The following HERC2 variants were observed in gnomAD, a reference collection of about 807,000 sequenced individuals.
HERC2 encodes the protein E3 ubiquitin-protein ligase HERC2.
Under a neutral mutation model 537.7 loss-of-function variants are expected in HERC2, and 102 were observed. That is an observed-to-expected ratio of 0.19 (90% CI 0.16 to 0.22). The LOEUF is 0.22. Ranked by LOEUF, HERC2 falls within the 10% of genes least tolerant of loss-of-function variation. The probability of loss-of-function intolerance (pLI) is 1.00; values close to 1 mark genes in which losing one functional copy is unlikely to be tolerated. For missense variants in HERC2, 4,236 were observed against 6,198.2 expected, an observed-to-expected ratio of 0.68 and a Z score of 10.63; for synonymous variants, 2,224 against 2,466.2, an observed-to-expected ratio of 0.90 and a Z score of 2.91.
chr15:28,300,066 AAAGAAAAGAAAAG>A (rs2076579825), intron 2 of HERC2, among the ~76,000 whole-genome samples: 2 of 150,468 alleles, frequency 1.3e-5, no homozygotes, highest in South Asian at 2.1e-4. Context: ...AAAAAAAAAA[AAAGAAAAGAAAAG>A]AAAAAAAAGA....
intron 20 of HERC2, among the ~76,000 whole-genome samples, chr15:28,254,035 A>G (rs2075173022): frequency 6.6e-6 from 1 of 151,940 alleles, no homozygotes; most frequent in Non-Finnish European, 1.5e-5. Context: ...TGTAATCCCA[A>G]CACTTTGGGA....
At chr15:28,282,786 G>A (rs1016296488) in intron 4 of HERC2, among the ~76,000 whole-genome samples, 36 of 152,168 alleles carry the variant, frequency 2.4e-4, no homozygotes, top group African/African-American at 8.4e-4. Flanking sequence ...ACAAAACTGA[G>A]CTGGGCATGG....
At chr15:28,288,346 C>T (rs1333148203) in intron 4 of HERC2, among the ~76,000 whole-genome samples, 24 of 150,582 alleles carry the variant, frequency 1.6e-4, no homozygotes, top group Middle Eastern at 3.4e-3. Context: ...ACCAACATGA[C>T]GAAACCATGT....
intron 2 of HERC2, among the ~76,000 whole-genome samples, chr15:28,316,508 CAATT>C (rs2077090449): frequency 6.6e-6 from 1 of 152,170 alleles, no homozygotes; most frequent in African/African-American, 2.4e-5. Context: ...AAAATGCTCT[CAATT>C]AACCTGACAA....
intron 3 of HERC2, chr15:28,298,581 G>A (rs906193682): frequency 6.6e-6 from 1 of 151,440 alleles, no homozygotes; most frequent in African/African-American, 2.4e-5. Context: ...GGATCACGAG[G>A]TCAGGAGCTC....
At chr15:28,123,860 C>T (rs1889188450) in intron 85 of HERC2, among the ~76,000 whole-genome samples, 177 bp downstream of exon 85, 1 of 152,180 alleles carries the variant, frequency 6.6e-6, no homozygotes. Flanking sequence ...AGATTTTTGT[C>T]TGTTTTCTCA....
rs1891566580 is a variant in HERC2 at position 28,144,752 on chromosome 15, T to C, written c.11061A>G (p.Leu3687=). 1 of 1,614,076 alleles carries C rather than the reference T, an allele frequency of 6.2e-7. No homozygotes were observed. Among genetic ancestry groups the C allele is most frequent in the African/African-American group, 1.3e-5 (1 of 74,934 alleles). ...ACCCATCGCTGATGAACTTCCACTTTAACTCATCCCCTGGGATGCGCAGCT... is the reference window on the plus strand; with the variant it reads ...ACCCATCGCTGATGAACTTCCACTTCAACTCATCCCCTGGGATGCGCAGCT... ...SSELRIPGDE[L]KWKFISDGSV... is the part of the protein sequence containing the mutation. The change falls in exon 72 of 93, where the codon TTA becomes TTG. Residue 3687 remains leucine, a synonymous_variant. Transcript: ENST00000261609.
intron 35 of HERC2, among the ~76,000 whole-genome samples, 178 bp from the exon 36 acceptor site, chr15:28,222,393 G>A (rs1048931517): frequency 6.6e-6 from 1 of 151,422 alleles, no homozygotes. Flanking sequence ...GAAGATAAAC[G>A]GAAGGATGAA....
chr15:28,251,680 G>A (rs2075088541), intron 20 of HERC2, among the ~76,000 whole-genome samples: 1 of 151,598 alleles, frequency 6.6e-6, no homozygotes, highest in Non-Finnish European at 1.5e-5. Context: ...TACGCCTGTG[G>A]TCCCAGCTGC....
rs374732640 is a variant in HERC2 at position 28,257,055 on chromosome 15, G to C, written c.2517+6C>G. 3.1e-6 allele frequency: 5 copies of C among 1,610,174 alleles called. No individual in the cohort carries two copies. In the African/African-American group the frequency reaches 6.7e-5, roughly 22 times the overall value. On this transcript the variant is annotated splice_donor_region_variant and intron_variant, in intron 17 of 92. Transcript: ENST00000261609. Reference sequence around the variant, plus strand: ...AAGGAGGAAGAAGAAGGGAAATCATGAATACCTGAAGTCGTAGAAGATTCA... The same window carrying C: ...AAGGAGGAAGAAGAAGGGAAATCATCAATACCTGAAGTCGTAGAAGATTCA...
chr15:28,251,397 C>A (rs1249901046), intron 20 of HERC2, among the ~76,000 whole-genome samples: 1 of 148,312 alleles, frequency 6.7e-6, no homozygotes, highest in Admixed American at 6.7e-5. Context: ...GAGCTGAGAT[C>A]GTGCCACTGC....
rs1307761656 is a variant in HERC2, at chr15:28,263,060, G to T, written c.1980C>A (p.Val660=). 1.2e-6 allele frequency: 2 copies of T among 1,614,130 alleles called. No individual in the cohort carries two copies. Among genetic ancestry groups the T allele is most frequent in the Admixed American group, 1.7e-5 (1 of 60,010 alleles). The change falls in exon 15 of 93, where the codon GTC becomes GTA. Residue 660 remains valine, a synonymous_variant. Transcript: ENST00000261609. ...LIEKLQDLDV[V]KVRCGSQFSI... ...AAAACTGACTTCCACAGCGGACTTT[G>T]ACCACATCCAAGTCTTGAAGCTTTT...
chr15:28,115,596 C>A, intron 88 of HERC2, 55 bp from the exon 89 acceptor site: 1 of 1,316,510 alleles, frequency 7.6e-7, no homozygotes, highest in Non-Finnish European at 1.1e-6. Context: ...GACAAAACTT[C>A]CCGCTCACTC....
Position 28,186,772 on chromosome 15 carries a change from T to C in HERC2, c.8650-20A>G. On this transcript the variant is annotated intron_variant, in intron 55 of 92. Transcript: ENST00000261609. ...GTGATACTAGACACAAAAACCATGA[T>C]CTATAGACTCTGTAGAATCAAGCAT... 2.5e-6 allele frequency: 4 copies of C among 1,582,088 alleles called. No homozygotes were observed. Among genetic ancestry groups the C allele is most frequent in the Non-Finnish European group, 2.6e-6 (3 of 1,152,274 alleles).
At chr15:28,185,659 T>C (rs1896240048) in intron 56 of HERC2, among the ~76,000 whole-genome samples, 1 of 152,220 alleles carries the variant, frequency 6.6e-6, no homozygotes, top group South Asian at 2.1e-4. Context: ...CATTCTCCTC[T>C]GGTATGCTGT....
At chr15:28,292,263 G>GGTC (rs1567127155) in intron 4 of HERC2, among the ~76,000 whole-genome samples, 1 of 144,094 alleles carries the variant, frequency 6.9e-6, no homozygotes, top group Non-Finnish European at 1.5e-5. Flanking sequence ...ACCAGGCAAA[G>GGTC]TATTTGAATA....
chr15:28,130,725 C>G, intron 81 of HERC2, 131 bp from the exon 82 acceptor site: 1 of 748,854 alleles, frequency 1.3e-6, no homozygotes, highest in Non-Finnish European at 2.4e-6. Flanking sequence ...ATTAGTGCAA[C>G]ATAAAATCAT....
At chr15:28,295,519 C>G (rs1436192494) in intron 3 of HERC2, among the ~76,000 whole-genome samples, 1 of 152,148 alleles carries the variant, frequency 6.6e-6, no homozygotes, top group Non-Finnish European at 1.5e-5. Context: ...CGTGCCTCAG[C>G]CCCCAAGGAG....
intron 2 of HERC2, among the ~76,000 whole-genome samples, chr15:28,318,622 C>CA (rs11324806): frequency 1.4e-5 from 2 of 147,724 alleles, no homozygotes; most frequent in South Asian, 2.2e-4. Context: ...GACTCCATCT[C>CA]AAAAAAAAAA....
Sources: allele counts gnomAD v4.1 joint callset (sites outside exome capture counted in the v4.1 genomes callset), GRCh38; gene constraint gnomAD v4.1.1; transcripts MANE v1.5; gene names NCBI Gene and HGNC (gene_info 2026-07-23, HGNC 2026-07-21).